VPS41: variants seen among roughly 807,000 people sequenced by gnomAD.
VPS41 encodes VPS41 subunit of HOPS complex.
A neutral mutation model predicts 130.9 loss-of-function variants in VPS41; 85 were observed. The ratio of observed to expected loss-of-function variants is 0.65; its 90% CI spans 0.55 to 0.78. VPS41 has a LOEUF of 0.78. Among genes scored for constraint, VPS41 ranks in the 30% least tolerant of loss-of-function variants. VPS41 has a pLI of 0.00. For missense variants in VPS41, 874 were observed against 1,018.7 expected (o/e 0.86, Z 1.93); for synonymous variants, 335 against 332.9 (o/e 1.01, Z -0.07).
At position 38,752,249 on chromosome 7, in the gene VPS41, C is replaced by T. The variant is rs188453129; in HGVS notation, c.1853G>A (p.Ser618Asn). ...KGQRYHEKQI[S>N]LYAEYDRPNL... ...TGGTCGATCATATTCAGCATAAAGA[C>T]TGATCTGTTTTTCATGGTAACGCTG... Residue 618 changes from serine to asparagine, a missense_variant, in exon 22 of 29, where the codon AGT (serine) becomes AAT (asparagine). Ser to Asn is a conservative substitution (Grantham distance 46). Coordinates refer to ENST00000310301, the MANE Select transcript of VPS41 (RefSeq NM_014396.4). 20 of 1,613,960 alleles carry T rather than the reference C, an allele frequency of 1.2e-5. No individual in the cohort carries two copies. In the East Asian group the frequency reaches 4.2e-4, roughly 34 times the overall value.
At chr7:38,747,222 A>C (rs573551029) in intron 22 of VPS41, among the ~76,000 whole-genome samples, 1 of 152,182 alleles carries the variant, frequency 6.6e-6, no homozygotes, top group South Asian at 2.1e-4. Flanking sequence ...GACAAAAAAC[A>C]TAAGTAAGAA....
chr7:38,748,563 G>A (rs1309929136), intron 22 of VPS41, among the ~76,000 whole-genome samples: 4 of 150,196 alleles, frequency 2.7e-5, no homozygotes, highest in African/African-American at 9.8e-5. Flanking sequence ...ATATGAGAGC[G>A]ATCACAAATT....
intron 1 of VPS41, among the ~76,000 whole-genome samples, chr7:38,901,283 T>A (rs1476014818): frequency 6.6e-6 from 1 of 152,204 alleles, no homozygotes; most frequent in Non-Finnish European, 1.5e-5. Flanking sequence ...GGCAGAGTGG[T>A]TGTCTTAGTA....
Position 38,742,266 on chromosome 7 carries a change from T to C in VPS41, c.2123-145A>G, listed in dbSNP as rs143116265. 56 of 741,756 alleles carry C rather than the reference T, an allele frequency of 7.5e-5. No homozygotes were observed. In the African/African-American group the frequency reaches 1.0e-3, roughly 13 times the overall value. The allele number at this position is 741,756 out of a possible 1,614,324, so 45.9% of individuals were successfully genotyped here. ...CCTTCAAAGTAAGTGTTAAAACCAT[T>C]TGAATTTCTAAACTCTTAAGAATTA... On this transcript the variant is annotated intron_variant, in intron 24 of 28. Coordinates refer to ENST00000310301, the MANE Select transcript of VPS41 (RefSeq NM_014396.4).
chr7:38,832,327 T>C (rs1434548200), intron 4 of VPS41, among the ~76,000 whole-genome samples: 2 of 147,040 alleles, frequency 1.4e-5, no homozygotes, highest in Non-Finnish European at 3.0e-5. Flanking sequence ...TTCTTTTTTT[T>C]TTTTTTTTTT....
At chr7:38,854,400 C>T (rs1211990851) in intron 4 of VPS41, among the ~76,000 whole-genome samples, 1 of 152,174 alleles carries the variant, frequency 6.6e-6, no homozygotes, top group African/African-American at 2.4e-5. Context: ...GGATACATAG[C>T]TTAAGTTTAT....
chr7:38,878,772 T>G (rs1289032605), intron 2 of VPS41, among the ~76,000 whole-genome samples: 1 of 152,220 alleles, frequency 6.6e-6, no homozygotes, highest in African/African-American at 2.4e-5. Flanking sequence ...AAAGGTTTCT[T>G]TACCGAAGAG....
intron 19 of VPS41, 33 bp downstream of exon 19, chr7:38,756,805 T>A: frequency 7.2e-7 from 1 of 1,395,520 alleles, no homozygotes; most frequent in Non-Finnish European, 9.8e-7. Context: ...ATAGTAAAAA[T>A]AATTGACAGT....
intron 3 of VPS41, among the ~76,000 whole-genome samples, chr7:38,868,390 T>C (rs182426832): frequency 6.6e-6 from 1 of 152,082 alleles, no homozygotes; most frequent in African/African-American, 2.4e-5. Flanking sequence ...AGGAACTGGG[T>C]GGGAAGCAAG....
intron 9 of VPS41, among the ~76,000 whole-genome samples, chr7:38,790,180 A>G (rs1435747712): frequency 6.6e-6 from 1 of 152,186 alleles, no homozygotes; most frequent in Non-Finnish European, 1.5e-5. Flanking sequence ...TTTCTTTTAC[A>G]TAGTGTTCTT....
In VPS41 at chr7:38,770,876, T is replaced by C. The variant is rs201970163; in HGVS notation, c.1185+322A>G. Among the ~76,000 whole-genome samples, 11 of 152,302 alleles carry C rather than the reference T, an allele frequency of 7.2e-5. No homozygotes were observed. The East Asian group carries it at 1.2e-3, about 16-fold the overall frequency. ...GCAGTTTTAGGAAACCTCTCTTTTT[T>C]TGATAAATTTTGTGATAATGTGATT... On this transcript the variant is annotated intron_variant, in intron 14 of 28. Coordinates refer to ENST00000310301, the MANE Select transcript of VPS41 (RefSeq NM_014396.4).
intron 10 of VPS41, among the ~76,000 whole-genome samples, chr7:38,782,466 T>G (rs1482252792): frequency 6.6e-6 from 1 of 152,226 alleles, no homozygotes; most frequent in Non-Finnish European, 1.5e-5. Context: ...GTCACTAAGT[T>G]TTGTTGTAAA....
intron 7 of VPS41, among the ~76,000 whole-genome samples, chr7:38,799,274 T>C (rs983114413): frequency 5.9e-5 from 9 of 152,198 alleles, no homozygotes; most frequent in African/African-American, 2.2e-4. Flanking sequence ...CTTATCATCA[T>C]AATTCTCATG....
At chr7:38,883,323 T>C (rs28711274) in intron 2 of VPS41, among the ~76,000 whole-genome samples, 3,081 of 152,250 alleles carry the variant, frequency 0.02, 105 homozygotes, top group African/African-American at 0.069. Context: ...CCATTACTTC[T>C]TGGACACCAT....
At chr7:38,893,617 C>G (rs895460973) in intron 2 of VPS41, among the ~76,000 whole-genome samples, 5 of 152,202 alleles carry the variant, frequency 3.3e-5, no homozygotes, top group Admixed American at 6.5e-5. Context: ...AACATCCACG[C>G]TGGAAGGACC....
intron 4 of VPS41, among the ~76,000 whole-genome samples, chr7:38,835,596 ATT>A (rs1785475210): frequency 6.6e-6 from 1 of 151,942 alleles, no homozygotes; most frequent in African/African-American, 2.4e-5. Context: ...AAATTTAATA[ATT>A]TGTCTTTGTA....
At chr7:38,815,183 G>C (rs915200857) in intron 7 of VPS41, among the ~76,000 whole-genome samples, 1 of 152,140 alleles carries the variant, frequency 6.6e-6, no homozygotes, top group Non-Finnish European at 1.5e-5. Context: ...CAACGCTTTG[G>C]GAGGCCGAGG....
At chr7:38,727,170 A>C (rs1487782512) in intron 27 of VPS41, 182 bp from the exon 28 acceptor site, 3 of 451,178 alleles carry the variant, frequency 6.6e-6, no homozygotes, top group Non-Finnish European at 1.1e-5. Flanking sequence ...AGGTATTATA[A>C]TCATGTTGCT....
Position 38,752,305 on chromosome 7 carries a change from A to T in VPS41, c.1797T>A (p.His599Gln). 1 of 1,613,780 alleles carries T rather than the reference A, an allele frequency of 6.2e-7. No individual in the cohort carries two copies. The highest frequency in any genetic ancestry group is 8.5e-7 in the Non-Finnish European group (1 of 1,179,778). Residue 599 changes from histidine (H) to glutamine (Q), a missense_variant, in exon 22 of 29, where the codon CAT becomes CAA. Coordinates refer to ENST00000310301, the MANE Select transcript of VPS41 (RefSeq NM_014396.4). ...TATGGTGGTCTCTCTTGAAAAGCTTATGCAAATACTAAAAGGAACAAAAGA... is the reference window on the plus strand; with the variant it reads ...TATGGTGGTCTCTCTTGAAAAGCTTTTGCAAATACTAAAAGGAACAAAAGA... ...DRPELQHVYLHKLFKRDHHKG... is the reference protein window; with the variant it reads ...DRPELQHVYLQKLFKRDHHKG...
Sources: gnomAD v4.1 joint callset for allele counts (sites outside exome capture counted in the v4.1 genomes callset) on GRCh38, gnomAD v4.1.1 for gene constraint, MANE v1.5 for transcripts, NCBI Gene and HGNC (gene_info 2026-07-23, HGNC 2026-07-21) for gene names.